Variants in REPS2 observed in about 807,000 individuals in gnomAD.
REPS2 encodes the protein RALBP1 associated Eps domain containing 2.
Under a neutral mutation model 53.6 loss-of-function variants are expected in REPS2, and 23 were observed. The observed-to-expected ratio is 0.43, with a 90% CI of 0.31 to 0.61. The LOEUF (loss-of-function observed/expected upper bound fraction) is 0.61, where lower values mean the gene tolerates loss of function less well. Ranked by LOEUF, REPS2 falls within the 20% of genes least tolerant of loss-of-function variation. The pLI is 0.11. For synonymous variants in REPS2, 238 were observed against 218.6 expected, an observed-to-expected ratio of 1.09 and a Z score of -0.78; for missense variants, 446 against 534.9, an observed-to-expected ratio of 0.83 and a Z score of 1.64.
In REPS2 at chrX:17,028,011, G is replaced by A. The variant is rs113227593; in HGVS notation, c.674-1515G>A. On this transcript the variant is annotated intron_variant, in intron 4 of 17. Coordinates refer to ENST00000357277, the MANE Select transcript of REPS2 (RefSeq NM_004726.3). ...TGGCCATCCCAGATTTCCCACACAA[G>A]TAGGAAGAGAAAATCTGCCTCTCCA... Among the ~76,000 whole-genome samples, 532 of 110,951 alleles carry A rather than the reference G, an allele frequency of 4.8e-3. 3 individuals carry two copies. The highest frequency in any genetic ancestry group is 0.017 in the African/African-American group (510 of 30,470).
At chrX:17,095,201 G>C (rs1249708518) in intron 13 of REPS2, among the ~76,000 whole-genome samples, 1 of 112,054 alleles carries the variant, frequency 8.9e-6, no homozygotes, top group Admixed American at 9.4e-5. Flanking sequence ...GGTCTGGCCA[G>C]GCCATCCTGT....
At chrX:17,096,359 T>C (rs1471938988) in intron 13 of REPS2, among the ~76,000 whole-genome samples, 1 of 110,953 alleles carries the variant, frequency 9.0e-6, no homozygotes, top group Non-Finnish European at 1.9e-5. Flanking sequence ...TATAAATATG[T>C]TGAAAGAAAA....
the REPS2 span, among the ~76,000 whole-genome samples, chrX:17,188,322 T>A: frequency 8.9e-6 from 1 of 112,396 alleles, no homozygotes; most frequent in Non-Finnish European, 1.9e-5. Context: ...CCAAGAGATG[T>A]GAAGGTCTCC....
chrX:16,976,401 G>T (rs1247517812), intron 1 of REPS2, among the ~76,000 whole-genome samples: 1 of 110,743 alleles, frequency 9.0e-6, no homozygotes. Flanking sequence ...ATTCCTCTAG[G>T]GTGGCAGACC....
intron 13 of REPS2, among the ~76,000 whole-genome samples, chrX:17,087,484 C>T (rs2062552974): frequency 8.9e-6 from 1 of 111,800 alleles, no homozygotes; most frequent in South Asian, 3.7e-4. Context: ...TTTGGGAAGT[C>T]TTAGGAGAAC....
In REPS2 at chrX:17,043,118, G is replaced by A. The variant is rs149197311; in HGVS notation, c.772-4229G>A. The stretch of plus-strand genomic sequence containing the variant: ...AGCCAAGATTCATATTTTTTAAGAC[G>A]CTCAAATCACTTGGCTTAGTAAATC... On this transcript the variant is annotated intron_variant, in intron 5 of 17. Coordinates refer to ENST00000357277, the MANE Select transcript of REPS2 (RefSeq NM_004726.3). Among the ~76,000 whole-genome samples, 885 of 111,073 alleles carry A rather than the reference G, an allele frequency of 8.0e-3. 7 individuals are homozygous for A. The highest frequency in any genetic ancestry group is 0.027 in the African/African-American group (830 of 30,509).
chrX:16,955,276 G>A (rs1390312212), intron 1 of REPS2, among the ~76,000 whole-genome samples: 1 of 111,467 alleles, frequency 9.0e-6, no homozygotes, highest in Non-Finnish European at 1.9e-5. Flanking sequence ...CAGGACTGAA[G>A]GATTTCCTGG....
At chrX:17,069,428 T>G (rs373325709) in intron 10 of REPS2, among the ~76,000 whole-genome samples, 4 of 112,486 alleles carry the variant, frequency 3.6e-5, no homozygotes, top group African/African-American at 1.3e-4. Flanking sequence ...GAAAAATAAG[T>G]TTTCCATTAA....
chrX:17,163,604 G>A, the REPS2 span, among the ~76,000 whole-genome samples: 1 of 112,000 alleles, frequency 8.9e-6, no homozygotes, highest in African/African-American at 3.2e-5. Context: ...TCACGTACAA[G>A]GGATGCTCAA....
At position 17,060,302 on chromosome X, in the gene REPS2, CAAAAATAAAATAAAAT is replaced by C. The variant is rs1184609860; in HGVS notation, c.1115-2125_1115-2110del. ...TGGGTGACAGAGTGAGATTCCATTT[CAAAAATAAAATAAAAT>C]AAAAATAAAAAAATAAAAAAAGTCA... On this transcript the variant is annotated intron_variant, in intron 8 of 17. Coordinates refer to ENST00000357277, the MANE Select transcript of REPS2 (RefSeq NM_004726.3). Among the ~76,000 whole-genome samples the C allele has an allele frequency of 5.4e-5, 6 of 110,328 alleles. No individual in the cohort carries two copies. In the East Asian group the frequency reaches 1.1e-3, roughly 21 times the overall value.
Position 16,946,729 on chromosome X carries a change from GGGTGGTGGTGGCGGCGGCGGT to G in REPS2, c.-127_-107del, listed in dbSNP as rs1602464536. The G allele has an allele frequency of 1.3e-5, 9 of 671,803 alleles. No homozygotes were observed. In the South Asian group the frequency reaches 4.4e-4, roughly 33 times the overall value. 55.4% of individuals were successfully genotyped at this position (671,803 alleles called of 1,213,427 possible). A position where few individuals can be genotyped will look rare whatever the true frequency, so the allele number is the denominator to read the frequency against. ...GCCGCGCGGCAGCTGCGGGGCGTGG[GGGTGGTGGTGGCGGCGGCGGT>G]GGTGGCGGCGGCGGCGGCGGCGGCA... On this transcript the variant is annotated 5_prime_UTR_variant, in exon 1 of 18. Transcript: ENST00000357277.
Position 17,104,610 on chromosome X carries a change from A to G in REPS2, c.1578+831A>G, listed in dbSNP as rs184293027. ...TCAGGACTCATGAGTCACTGAAACC[A>G]CTTTTAACACATGCTTGTCCTTCTT... On this transcript the variant is annotated intron_variant, in intron 14 of 17. Coordinates refer to ENST00000357277, the MANE Select transcript of REPS2 (RefSeq NM_004726.3). Among the ~76,000 whole-genome samples the G allele has an allele frequency of 3.0e-3, 334 of 111,717 alleles. 4 individuals are homozygous for G. The highest frequency in any genetic ancestry group is 0.026 in the Admixed American group (276 of 10,533).
At chrX:16,974,285 C>T (rs1208577069) in intron 1 of REPS2, among the ~76,000 whole-genome samples, 1 of 111,028 alleles carries the variant, frequency 9.0e-6, no homozygotes. Flanking sequence ...TCTTATAAGC[C>T]TTTCTTTGTC....
chrX:16,976,915 A>G (rs765186192), intron 1 of REPS2, among the ~76,000 whole-genome samples: 2 of 111,397 alleles, frequency 1.8e-5, no homozygotes, highest in Non-Finnish European at 3.8e-5. Context: ...CAAATTTGAA[A>G]AGGCCTTGAA....
intron 13 of REPS2, among the ~76,000 whole-genome samples, chrX:17,099,343 C>A (rs924474260): frequency 1.8e-5 from 2 of 111,288 alleles, no homozygotes; most frequent in Non-Finnish European, 3.8e-5. Context: ...CTCCCTCTCC[C>A]ACATAATACA....
intron 2 of REPS2, among the ~76,000 whole-genome samples, chrX:17,013,540 A>G (rs957846686): frequency 9.0e-6 from 1 of 110,730 alleles, no homozygotes; most frequent in African/African-American, 3.3e-5. Flanking sequence ...GAGTGTGACA[A>G]CCAGTTTGGT....
intron 14 of REPS2, among the ~76,000 whole-genome samples, chrX:17,109,966 A>G (rs941212599): frequency 7.1e-5 from 8 of 112,559 alleles, no homozygotes; most frequent in African/African-American, 2.6e-4. Context: ...ATTCAACACC[A>G]TTTTAAATAC....
At chrX:17,109,641 C>T (rs1241165990) in intron 14 of REPS2, among the ~76,000 whole-genome samples, 3 of 111,099 alleles carry the variant, frequency 2.7e-5, no homozygotes, top group African/African-American at 9.8e-5. Flanking sequence ...GCTGGAAGAA[C>T]TAGTCACTGT....
At chrX:16,995,208 G>T (rs2061220238) in intron 1 of REPS2, among the ~76,000 whole-genome samples, 1 of 112,223 alleles carries the variant, frequency 8.9e-6, no homozygotes, top group Non-Finnish European at 1.9e-5. Flanking sequence ...GGCCTAACTT[G>T]CATCTGTCTC....
Sources: allele counts gnomAD v4.1 joint callset (sites outside exome capture counted in the v4.1 genomes callset), GRCh38; gene constraint gnomAD v4.1.1; transcripts MANE v1.5; gene names NCBI Gene and HGNC (gene_info 2026-07-23, HGNC 2026-07-21).